TAFA1: variants seen among roughly 807,000 people sequenced by gnomAD.
TAFA1 encodes the protein TAFA chemokine like family member 1.
In TAFA1, 4 loss-of-function variants were observed where a neutral mutation model predicts 18.5. That is an observed-to-expected ratio of 0.22 (90% CI 0.11 to 0.49). TAFA1 has a LOEUF of 0.49. Among genes scored for constraint, TAFA1 ranks in the 20% least tolerant of loss-of-function variants. The probability of loss-of-function intolerance (pLI) is 0.98; values close to 1 mark genes in which losing one functional copy is unlikely to be tolerated. For missense variants in TAFA1, 147 were observed against 169.0 expected (o/e 0.87, Z 0.72); for synonymous variants, 56 against 55.2 (o/e 1.01, Z -0.06).
intron 3 of TAFA1, among the ~76,000 whole-genome samples, chr3:68,481,913 T>C (rs1575909114): frequency 6.6e-6 from 1 of 152,316 alleles, no homozygotes; most frequent in African/African-American, 2.4e-5. Flanking sequence ...GTTGCAATCT[T>C]CTCAAATTCA....
chr3:68,019,584 G>T (rs1704643159), intron 2 of TAFA1, among the ~76,000 whole-genome samples: 1 of 152,248 alleles, frequency 6.6e-6, no homozygotes, highest in Middle Eastern at 3.4e-3. Context: ...ATTGTATAAT[G>T]GGTTGACCTT....
intron 2 of TAFA1, among the ~76,000 whole-genome samples, chr3:68,261,266 C>A (rs1559584643): frequency 1.3e-5 from 2 of 152,104 alleles, no homozygotes; most frequent in African/African-American, 4.8e-5. Context: ...CAGGAAAAAA[C>A]AGGTGCTGGA....
intron 2 of TAFA1, among the ~76,000 whole-genome samples, chr3:68,346,664 A>T (rs558599668): frequency 2.0e-4 from 31 of 152,336 alleles, no homozygotes; most frequent in Non-Finnish European, 3.7e-4. Context: ...CAACTGCTGT[A>T]CACAGAACTT....
At chr3:68,534,495 G>A (rs1348166204) in intron 3 of TAFA1, among the ~76,000 whole-genome samples, 1 of 151,988 alleles carries the variant, frequency 6.6e-6, no homozygotes, top group Non-Finnish European at 1.5e-5. Context: ...ACTCAAATTA[G>A]CAAATCTGCA....
At chr3:68,102,791 C>A (rs2065162938) in intron 2 of TAFA1, among the ~76,000 whole-genome samples, 2 of 152,110 alleles carry the variant, frequency 1.3e-5, no homozygotes, top group African/African-American at 4.8e-5. Context: ...ACCTTTAGAC[C>A]AGGCCAACTA....
intron 2 of TAFA1, among the ~76,000 whole-genome samples, chr3:68,064,555 A>G (rs1419683871): frequency 2.0e-5 from 3 of 152,210 alleles, no homozygotes; most frequent in Non-Finnish European, 4.4e-5. Context: ...AGAAATGCTT[A>G]ACATAAATTA....
intron 2 of TAFA1, among the ~76,000 whole-genome samples, chr3:68,306,738 G>A (rs1475698287): frequency 6.6e-6 from 1 of 152,082 alleles, no homozygotes; most frequent in East Asian, 1.9e-4. Flanking sequence ...TCTCCTGTGG[G>A]TAAGCCACCT....
At chr3:68,164,231 T>A (rs986889147) in intron 2 of TAFA1, among the ~76,000 whole-genome samples, 4 of 152,164 alleles carry the variant, frequency 2.6e-5, no homozygotes, top group Admixed American at 2.0e-4. Context: ...TCACTCAGAG[T>A]AGAAACTTCA....
chr3:68,288,846 A>G (rs2068062346), intron 2 of TAFA1, among the ~76,000 whole-genome samples: 1 of 152,208 alleles, frequency 6.6e-6, no homozygotes. Context: ...CTCTGCTAGT[A>G]CTAGCCTGTA....
chr3:68,456,680 C>A (rs576218916), intron 3 of TAFA1, among the ~76,000 whole-genome samples: 1 of 152,266 alleles, frequency 6.6e-6, no homozygotes, highest in African/African-American at 2.4e-5. Flanking sequence ...CAATCTTGCA[C>A]CCATATAAAA....
chr3:68,152,435 C>T (rs1236801922), intron 2 of TAFA1, among the ~76,000 whole-genome samples: 1 of 152,094 alleles, frequency 6.6e-6, no homozygotes, highest in African/African-American at 2.4e-5. Context: ...TGCTGTAAAA[C>T]CCTGGTGCAA....
chr3:68,538,764 G>A lies in TAFA1; in HGVS notation c.268G>A (p.Val90Met). The A allele has an allele frequency of 6.2e-7, 1 of 1,613,540 alleles. No homozygotes were observed. The highest frequency in any genetic ancestry group is 8.5e-7 in the Non-Finnish European group (1 of 1,179,646). ...NRPSCVDASI[V>M]IGKWWCEMEP... is the part of the protein sequence containing the mutation. The stretch of plus-strand genomic sequence containing the variant: ...TTCCTGTTTCTGCACAGCCTCCATA[G>A]TGATTGGGAAATGGTGGTGTGAGAT... The change falls in exon 4 of 5, where the codon GTG becomes ATG. Residue 90 changes from valine (V) to methionine (M), a missense_variant. Coordinates refer to ENST00000478136, the MANE Select transcript of TAFA1 (RefSeq NM_213609.4).
upstream of TAFA1, among the ~76,000 whole-genome samples, chr3:68,001,539 T>C (rs755260264): frequency 1.1e-4 from 16 of 152,114 alleles, no homozygotes; most frequent in Non-Finnish European, 2.2e-4. Flanking sequence ...GGATTTTTAT[T>C]CTTTCTTAAG....
rs546644929 is a variant in TAFA1, at chr3:68,149,544, G to T, written c.118+142800G>T. Among the ~76,000 whole-genome samples the T allele has an allele frequency of 3.3e-5, 5 of 152,280 alleles. No homozygotes were observed. In the South Asian group the frequency reaches 1.0e-3, roughly 32 times the overall value. On this transcript the variant is annotated intron_variant, in intron 2 of 4. Coordinates refer to ENST00000478136, the MANE Select transcript of TAFA1 (RefSeq NM_213609.4). ...CAGTGTGTGGAGACAGAGATCCCATGGCAAGAGAGGAAGTAAGAGAGAGGG... is the reference window on the plus strand; with the variant it reads ...CAGTGTGTGGAGACAGAGATCCCATTGCAAGAGAGGAAGTAAGAGAGAGGG...
At chr3:68,371,198 A>G (rs1339765736) in intron 2 of TAFA1, among the ~76,000 whole-genome samples, 1 of 152,072 alleles carries the variant, frequency 6.6e-6, no homozygotes, top group African/African-American at 2.4e-5. Flanking sequence ...ACTGCAGACG[A>G]TTCTTATTTC....
chr3:68,134,001 G>A (rs2065575021), intron 2 of TAFA1, among the ~76,000 whole-genome samples: 1 of 151,650 alleles, frequency 6.6e-6, no homozygotes, highest in African/African-American at 2.4e-5. Context: ...TGAAAAGTGT[G>A]GGAGTTGGAC....
chr3:67,999,227 T>G, the TAFA1 span, among the ~76,000 whole-genome samples: 1 of 149,844 alleles, frequency 6.7e-6, no homozygotes, highest in Non-Finnish European at 1.5e-5. Context: ...CTGCCGAAAG[T>G]TCTCTTGAAT....
Position 68,335,921 on chromosome 3 carries a change from C to G in TAFA1, c.119-81359C>G, listed in dbSNP as rs2068963078. Among the ~76,000 whole-genome samples the G allele has an allele frequency of 2.0e-5, 3 of 152,126 alleles. No homozygotes were observed. In the South Asian group the frequency reaches 6.2e-4, roughly 31 times the overall value. ...TCATTTGTACACCTTCTTTGTGGTTCCCAGATCCCAGCACACTCCTTTCAA... is the reference window on the plus strand; with the variant it reads ...TCATTTGTACACCTTCTTTGTGGTTGCCAGATCCCAGCACACTCCTTTCAA... On this transcript the variant is annotated intron_variant, in intron 2 of 4. Coordinates refer to ENST00000478136, the MANE Select transcript of TAFA1 (RefSeq NM_213609.4).
the TAFA1 span, among the ~76,000 whole-genome samples, chr3:67,993,429 G>C: frequency 6.6e-6 from 1 of 152,170 alleles, no homozygotes; most frequent in Non-Finnish European, 1.5e-5. Context: ...TGGCTTGTAA[G>C]TATTTTCCAA....
Sources: allele counts gnomAD v4.1 joint callset (sites outside exome capture counted in the v4.1 genomes callset), GRCh38; gene constraint gnomAD v4.1.1; transcripts MANE v1.5; gene names NCBI Gene and HGNC (gene_info 2026-07-23, HGNC 2026-07-21).